Variants in TBC1D5 observed in about 807,000 individuals in gnomAD.
TBC1D5 encodes TBC1 domain family member 5.
In TBC1D5, 75 loss-of-function variants were observed where a neutral mutation model predicts 100.3. The ratio of observed to expected loss-of-function variants is 0.75; its 90% CI spans 0.62 to 0.91. The LOEUF is 0.91. Ranked by LOEUF, TBC1D5 falls within the 40% of genes least tolerant of loss-of-function variation. The pLI is 0.00. For synonymous variants in TBC1D5, 323 were observed against 325.6 expected, an observed-to-expected ratio of 0.99 and a Z score of 0.09; for missense variants, 910 against 942.4, an observed-to-expected ratio of 0.97 and a Z score of 0.45.
chr3:17,540,302 G>A (rs1222897757), intron 2 of TBC1D5, among the ~76,000 whole-genome samples: 1 of 152,056 alleles, frequency 6.6e-6, no homozygotes. Flanking sequence ...CCTATTTATT[G>A]ACAGTGTCTT....
At chr3:17,626,805 T>C (rs2063101547) in intron 1 of TBC1D5, among the ~76,000 whole-genome samples, 1 of 152,200 alleles carries the variant, frequency 6.6e-6, no homozygotes, top group Non-Finnish European at 1.5e-5. Context: ...CTCAGTATGT[T>C]GGGACCATCC....
At chr3:17,230,850 C>T (rs1328408241) in intron 17 of TBC1D5, among the ~76,000 whole-genome samples, 1 of 152,084 alleles carries the variant, frequency 6.6e-6, no homozygotes, top group Admixed American at 6.6e-5. Flanking sequence ...ATGCTATAGT[C>T]TCTTATATAA....
intron 3 of TBC1D5, among the ~76,000 whole-genome samples, chr3:17,447,432 C>T (rs1467773858): frequency 2.0e-5 from 3 of 152,002 alleles, no homozygotes; most frequent in Admixed American, 6.6e-5. Flanking sequence ...TGAGAAGATA[C>T]AAGAGGATGG....
chr3:17,304,186 T>C (rs1050853423), intron 14 of TBC1D5, among the ~76,000 whole-genome samples: 2 of 152,130 alleles, frequency 1.3e-5, no homozygotes, highest in Admixed American at 6.5e-5. Flanking sequence ...TTCTTTTCTA[T>C]TGCCTCTGGG....
chr3:17,592,507 A>C (rs1481587878), intron 2 of TBC1D5, among the ~76,000 whole-genome samples: 1 of 152,222 alleles, frequency 6.6e-6, no homozygotes, highest in Non-Finnish European at 1.5e-5. Context: ...CACCTCCTAC[A>C]AACAAGAAAG....
chr3:17,610,052 CG>C (rs1382745448), intron 2 of TBC1D5, among the ~76,000 whole-genome samples: 1 of 152,172 alleles, frequency 6.6e-6, no homozygotes, highest in African/African-American at 2.4e-5. Context: ...CCATTTTTAT[CG>C]AGTAACATTA....
chr3:17,195,754 C>CTT (rs35636355), intron 18 of TBC1D5, among the ~76,000 whole-genome samples: 1 of 144,538 alleles, frequency 6.9e-6, no homozygotes, highest in Non-Finnish European at 1.5e-5. Context: ...ATATTTCTTT[C>CTT]TTTTTTTTTT....
chr3:17,485,742 T>A (rs1286996846), intron 3 of TBC1D5, among the ~76,000 whole-genome samples: 3 of 152,044 alleles, frequency 2.0e-5, no homozygotes, highest in African/African-American at 7.2e-5. Context: ...AGTCTATCAT[T>A]GTTGGACATT....
intron 1 of TBC1D5, among the ~76,000 whole-genome samples, chr3:17,666,647 T>G (rs1411531500): frequency 6.6e-6 from 1 of 152,168 alleles, no homozygotes; most frequent in Non-Finnish European, 1.5e-5. Flanking sequence ...AGTACATGTT[T>G]AGATTTGGAA....
At chr3:17,249,643 A>C (rs1349352471) in intron 16 of TBC1D5, among the ~76,000 whole-genome samples, 2 of 152,198 alleles carry the variant, frequency 1.3e-5, no homozygotes, top group African/African-American at 4.8e-5. Context: ...GTACAGCCTG[A>C]AGAACTGTGA....
chr3:17,324,801 A>T (rs1440204874), intron 13 of TBC1D5, among the ~76,000 whole-genome samples: 1 of 152,220 alleles, frequency 6.6e-6, no homozygotes, highest in Non-Finnish European at 1.5e-5. Flanking sequence ...ATAAGAACAG[A>T]CACCTCATCA....
chr3:17,273,763 C>T (rs1324448154), intron 15 of TBC1D5, among the ~76,000 whole-genome samples: 2 of 149,086 alleles, frequency 1.3e-5, no homozygotes, highest in Admixed American at 6.7e-5. Context: ...GCTGAGATCG[C>T]GCCACTGCAC....
rs563474801 is a variant in TBC1D5 at position 17,470,127 on chromosome 3, G to A, written c.97+38347C>T. Among the ~76,000 whole-genome samples the A allele has an allele frequency of 5.9e-5, 9 of 152,274 alleles. No individual in the cohort carries two copies. The East Asian group carries it at 1.5e-3, about 26-fold the overall frequency. On this transcript the variant is annotated intron_variant, in intron 3 of 21. Coordinates refer to ENST00000253692, the Ensembl canonical transcript of TBC1D5. Reference sequence around the variant, plus strand: ...TGCTTCCAAGTTCAAGAAAAAACATGTGTTCATTTTTGCTACTTGCATATT... The same window carrying A: ...TGCTTCCAAGTTCAAGAAAAAACATATGTTCATTTTTGCTACTTGCATATT...
chr3:17,314,298 C>G (rs1303018294), intron 13 of TBC1D5, among the ~76,000 whole-genome samples: 2 of 152,118 alleles, frequency 1.3e-5, no homozygotes, highest in Admixed American at 6.5e-5. Flanking sequence ...TTCTTGACCA[C>G]AGATGATCTT....
At chr3:17,441,196 T>C (rs182140031) in intron 3 of TBC1D5, among the ~76,000 whole-genome samples, 3 of 152,326 alleles carry the variant, frequency 2.0e-5, no homozygotes, top group Admixed American at 2.0e-4. Flanking sequence ...TCAATGAACA[T>C]CTACTGTCTA....
At chr3:17,429,364 T>C (rs1358618926) in intron 3 of TBC1D5, among the ~76,000 whole-genome samples, 1 of 151,912 alleles carries the variant, frequency 6.6e-6, no homozygotes, top group Non-Finnish European at 1.5e-5. Context: ...ACAGCTTTTA[T>C]GAAACCATAG....
intron 1 of TBC1D5, among the ~76,000 whole-genome samples, chr3:17,676,837 A>T (rs944869160): frequency 6.6e-6 from 1 of 152,218 alleles, no homozygotes; most frequent in African/African-American, 2.4e-5. Context: ...GAGGCCTCAG[A>T]AATAATACCA....
At chr3:17,531,888 G>T (rs1463606382) in intron 2 of TBC1D5, among the ~76,000 whole-genome samples, 1 of 152,116 alleles carries the variant, frequency 6.6e-6, no homozygotes, top group Non-Finnish European at 1.5e-5. Context: ...AACCCTAGAA[G>T]AAAACCTAGG....
At chr3:17,284,125 T>TACACACACACACACACACACACAC (rs1559549230) in intron 15 of TBC1D5, among the ~76,000 whole-genome samples, 2 of 53,458 alleles carry the variant, frequency 3.7e-5, no homozygotes, top group South Asian at 4.6e-4. Flanking sequence ...CACACACACG[T>TACACACACACACACACACACACAC]ATTTTTAATT....
Sources: gnomAD v4.1 joint callset for allele counts (sites outside exome capture counted in the v4.1 genomes callset) on GRCh38, gnomAD v4.1.1 for gene constraint, MANE v1.5 for transcripts, NCBI Gene and HGNC (gene_info 2026-07-23, HGNC 2026-07-21) for gene names.